The following FRYL variants were observed in gnomAD, a reference collection of about 807,000 sequenced individuals.
The protein encoded by FRYL is FRY like transcription coactivator.
FRYL carries 150 observed loss-of-function variants against 351.2 expected under a neutral mutation model. That is an observed-to-expected ratio of 0.43 (90% confidence interval 0.37 to 0.49). FRYL has a LOEUF of 0.49. Among genes scored for constraint, FRYL ranks in the 20% least tolerant of loss-of-function variants. The probability of loss-of-function intolerance (pLI) is 0.00; values close to 1 mark genes in which losing one functional copy is unlikely to be tolerated. For missense variants in FRYL, 3,036 were observed against 3,619.3 expected (o/e 0.84, Z 4.13); for synonymous variants, 1,153 against 1,257.1 (o/e 0.92, Z 1.75).
intron 3 of FRYL, among the ~76,000 whole-genome samples, chr4:48,647,465 A>AT (rs1176492655): frequency 3.9e-5 from 6 of 152,238 alleles, no homozygotes; most frequent in Admixed American, 3.9e-4. Context: ...TCTATGTTGG[A>AT]TTTTCTTGAT....
chr4:48,763,443 CAG>C (rs1467447792), intron 1 of FRYL, among the ~76,000 whole-genome samples: 9 of 152,068 alleles, frequency 5.9e-5, no homozygotes, highest in African/African-American at 2.2e-4. Context: ...ACCTGGATGA[CAG>C]AGTGTGACCT....
At chr4:48,656,381 T>TATTAC (rs1296304084) in intron 3 of FRYL, among the ~76,000 whole-genome samples, 52 of 133,130 alleles carry the variant, frequency 3.9e-4, no homozygotes, top group African/African-American at 1.3e-3. Flanking sequence ...ATACTAAATA[T>TATTAC]ATAATATATA....
intron 3 of FRYL, among the ~76,000 whole-genome samples, chr4:48,664,315 A>T (rs1281226034): frequency 3.9e-5 from 6 of 152,232 alleles, no homozygotes; most frequent in African/African-American, 1.4e-4. Flanking sequence ...ACACAGTGGA[A>T]GTCAATGGGC....
At chr4:48,770,858 C>T (rs1346540223) in intron 1 of FRYL, among the ~76,000 whole-genome samples, 1 of 152,166 alleles carries the variant, frequency 6.6e-6, no homozygotes, top group African/African-American at 2.4e-5. Flanking sequence ...ACTTCTGTTA[C>T]AGAGGCTACA....
At chr4:48,632,098 A>ATATATATATATATATG (rs1553957562) in intron 4 of FRYL, among the ~76,000 whole-genome samples, 572 of 21,264 alleles carry the variant, frequency 0.027, 9 homozygotes, top group Non-Finnish European at 0.048. Context: ...AAAAATATAT[A>ATATATATATATATATG]TATATATATA....
chr4:48,674,043 T>C (rs1763148771), intron 3 of FRYL, among the ~76,000 whole-genome samples: 1 of 152,240 alleles, frequency 6.6e-6, no homozygotes, highest in South Asian at 2.1e-4. Flanking sequence ...TCATTGTCTC[T>C]GTTCTTGATG....
chr4:48,612,459 G>C (rs1748402337), intron 7 of FRYL, among the ~76,000 whole-genome samples: 1 of 151,620 alleles, frequency 6.6e-6, no homozygotes, highest in South Asian at 2.1e-4. Flanking sequence ...TTTACCCAAG[G>C]TCAACCATGG....
intron 3 of FRYL, among the ~76,000 whole-genome samples, chr4:48,647,640 C>T (rs1362757093): frequency 6.6e-6 from 1 of 152,120 alleles, no homozygotes; most frequent in Non-Finnish European, 1.5e-5. Flanking sequence ...TGAGGTGAAC[C>T]TAGCTTAAGA....
At position 48,557,005 on chromosome 4, in the gene FRYL, C is replaced by T; in HGVS notation, c.4239G>A (p.Val1413=). ...ILHFLISICG[V]NSEPSLLPYV... ...AAGGCAAGAGGCTTGGTTCGCTATT[C>T]ACCCCACAAATGCTGATCAAAAAGT... is the stretch of plus-strand genomic sequence containing the variant. Residue 1413 remains valine (V), a synonymous_variant, in exon 35 of 64, where the codon GTG becomes GTA. Transcript: ENST00000358350. 1.2e-6 allele frequency: 2 copies of T among 1,603,050 alleles called. No homozygotes were observed. Among genetic ancestry groups the T allele is most frequent in the South Asian group, 2.2e-5 (2 of 89,262 alleles).
At position 48,499,574 on chromosome 4, in the gene FRYL, C is replaced by G; in HGVS notation, c.8890G>C (p.Ala2964Pro). Residue 2964 changes from alanine to proline, a missense_variant, in exon 64 of 64, where the codon GCA (alanine) becomes CCA (proline). By Grantham distance (27) the Ala-to-Pro change is conservative. Transcript: ENST00000358350. ...HQTLGQTGSF[A>P]VIGSNLDMSE... Reference sequence around the variant, plus strand: ...ATGTCCAGGTTAGAGCCTATAACTGCAAAGCTTCCTGTCTGGCCCAGCGTC... The same window carrying G: ...ATGTCCAGGTTAGAGCCTATAACTGGAAAGCTTCCTGTCTGGCCCAGCGTC... 1 of 1,614,112 alleles carries G rather than the reference C, an allele frequency of 6.2e-7. No homozygotes were observed. The highest frequency in any genetic ancestry group is 8.5e-7 in the Non-Finnish European group (1 of 1,179,996).
intron 1 of FRYL, among the ~76,000 whole-genome samples, chr4:48,745,059 C>T (rs995874860): frequency 5.3e-5 from 8 of 152,104 alleles, no homozygotes; most frequent in African/African-American, 1.7e-4. Context: ...AAAAGCTAGG[C>T]TGGAATTTGG....
rs113733661 is a variant in FRYL at position 48,525,394 on chromosome 4, C to T, written c.7317+2083G>A. Among the ~76,000 whole-genome samples, 682 of 152,190 alleles carry T rather than the reference C, an allele frequency of 4.5e-3. 4 individuals are homozygous for T. Among genetic ancestry groups the T allele is most frequent in the African/African-American group, 0.015 (633 of 41,524 alleles). On this transcript the variant is annotated intron_variant, in intron 53 of 63. Transcript: ENST00000358350. ...CACAGCTCCTAAACTGACATGAAGGCATTTGCATTACTTGGAGGCACCATG... is the reference window on the plus strand; with the variant it reads ...CACAGCTCCTAAACTGACATGAAGGTATTTGCATTACTTGGAGGCACCATG...
In FRYL at chr4:48,706,984, C is replaced by T. The variant is rs75157246; in HGVS notation, c.-204+3535G>A. 1.5e-3 allele frequency among the ~76,000 whole-genome samples: 232 copies of T among 152,234 alleles called. 7 individuals are homozygous for T. The East Asian group carries it at 0.043, about 28-fold the overall frequency. On this transcript the variant is annotated intron_variant, in intron 2 of 63. Coordinates refer to ENST00000358350, the MANE Select transcript of FRYL (RefSeq NM_015030.2). Reference sequence around the variant, plus strand: ...ACTTGGATTGCTGCTTTATGAGAGACTCTGAGCCAAAAGCACCCAGCTAAG... The same window carrying T: ...ACTTGGATTGCTGCTTTATGAGAGATTCTGAGCCAAAAGCACCCAGCTAAG...
chr4:48,656,079 T>C (rs1181464484), intron 3 of FRYL, among the ~76,000 whole-genome samples: 5 of 132,508 alleles, frequency 3.8e-5, no homozygotes, highest in Non-Finnish European at 7.7e-5. Flanking sequence ...TATAATTATA[T>C]ATAATTTTAT....
chr4:48,714,928 T>C (rs1317379083), intron 1 of FRYL, among the ~76,000 whole-genome samples: 1 of 149,720 alleles, frequency 6.7e-6, no homozygotes, highest in Non-Finnish European at 1.5e-5. Context: ...TCCACCATGA[T>C]CAAGTGGGCT....
At chr4:48,609,550 A>G (rs1383811381) in intron 8 of FRYL, among the ~76,000 whole-genome samples, 194 bp downstream of exon 8, 1 of 151,982 alleles carries the variant, frequency 6.6e-6, no homozygotes, top group Non-Finnish European at 1.5e-5. Flanking sequence ...TGAGCCCAGG[A>G]GGTCAAGGCT....
intron 1 of FRYL, among the ~76,000 whole-genome samples, chr4:48,713,124 C>A (rs1026844410): frequency 5.5e-4 from 84 of 152,098 alleles, no homozygotes; most frequent in African/African-American, 2.0e-3. Flanking sequence ...GCTGCAAAAT[C>A]ATGCCAAAAT....
At position 48,606,495 on chromosome 4, in the gene FRYL, A is replaced by T; in HGVS notation, c.684T>A (p.Phe228Leu). The T allele has an allele frequency of 6.2e-7, 1 of 1,612,900 alleles. No homozygotes were observed. The highest frequency in any genetic ancestry group is 1.1e-5 in the South Asian group (1 of 91,004). Reference sequence around the variant, plus strand: ...CTACAGGATACATTTTTACTCGAAAAAATTTCATTCCCATTATTAAGCTGA... The same window carrying T: ...CTACAGGATACATTTTTACTCGAAATAATTTCATTCCCATTATTAAGCTGA... Reference protein sequence around the residue: ...SVISLIMGMKFFRVKMYPVED... With the variant: ...SVISLIMGMKLFRVKMYPVED... The change falls in exon 10 of 64, where the codon TTT becomes TTA. Residue 228 changes from phenylalanine to leucine, a missense_variant. This residue lies in a region of FRYL where 457 missense variants were observed against 566.6 expected (regional missense o/e 0.81). Coordinates refer to ENST00000358350, the MANE Select transcript of FRYL (RefSeq NM_015030.2).
chr4:48,737,851 G>A (rs1257606737), intron 1 of FRYL, among the ~76,000 whole-genome samples: 1 of 152,098 alleles, frequency 6.6e-6, no homozygotes, highest in African/African-American at 2.4e-5. Context: ...ACAGGAACAG[G>A]CTAATAAGTC....
Sources: allele counts gnomAD v4.1 joint callset (sites outside exome capture counted in the v4.1 genomes callset), GRCh38; gene constraint gnomAD v4.1.1; regional missense constraint gnomAD v4.1.1; transcripts MANE v1.5; gene names NCBI Gene and HGNC (gene_info 2026-07-23, HGNC 2026-07-21).